NRXN1: variants seen among roughly 807,000 people sequenced by gnomAD.
NRXN1 encodes the protein neurexin 1.
NRXN1 carries 39 observed loss-of-function variants against 150.9 expected under a neutral mutation model. The ratio of observed to expected loss-of-function variants is 0.26; its 90% CI spans 0.20 to 0.34. The LOEUF (loss-of-function observed/expected upper bound fraction) is 0.34, where lower values mean the gene tolerates loss of function less well. Ranked by LOEUF, NRXN1 falls within the 10% of genes least tolerant of loss-of-function variation. The probability of loss-of-function intolerance (pLI) is 1.00; values close to 1 mark genes in which losing one functional copy is unlikely to be tolerated. For missense variants in NRXN1, 1,815 were observed against 1,949.9 expected, an observed-to-expected ratio of 0.93 and a Z score of 1.30; for synonymous variants, 924 against 757.0, an observed-to-expected ratio of 1.22 and a Z score of -3.62.
intron 17 of NRXN1, among the ~76,000 whole-genome samples, chr2:50,355,538 A>G (rs2153004877): frequency 6.6e-6 from 1 of 152,216 alleles, no homozygotes; most frequent in African/African-American, 2.4e-5. Flanking sequence ...ACTCTTCCAT[A>G]AAACACACTG....
intron 17 of NRXN1, among the ~76,000 whole-genome samples, chr2:50,399,503 T>C (rs763130722): frequency 7.9e-5 from 12 of 152,066 alleles, no homozygotes; most frequent in Non-Finnish European, 1.2e-4. Context: ...TTCAGTTCCA[T>C]GCTTCTTCCT....
chr2:50,091,636 A>C (rs1699591569), intron 18 of NRXN1, 142 bp from the exon 19 acceptor site: 1 of 799,028 alleles, frequency 1.3e-6, no homozygotes, highest in African/African-American at 1.7e-5. Flanking sequence ...AACTACATGT[A>C]GTAGAAGCAA....
intron 5 of NRXN1, among the ~76,000 whole-genome samples, chr2:50,699,737 C>A (rs9752353): frequency 0.12 from 17,643 of 151,856 alleles, 1,473 homozygotes; most frequent in East Asian, 0.3. Context: ...CAACACCTTG[C>A]CTTTGGCCCA....
In NRXN1 at chr2:50,404,976, G is replaced by A. The variant is rs2082656222; in HGVS notation, c.3364+60466C>T. Among the ~76,000 whole-genome samples, 3 of 152,084 alleles carry A rather than the reference G, an allele frequency of 2.0e-5. No homozygotes were observed. In the South Asian group the frequency reaches 6.2e-4, roughly 32 times the overall value. ...CACACTCTTCTCTTGCCAAAAGCTT[G>A]GTTTGCAGAACAAATCAAAAACACA... On this transcript the variant is annotated intron_variant, in intron 17 of 22. Transcript: ENST00000401669.
intron 5 of NRXN1, among the ~76,000 whole-genome samples, chr2:50,870,142 T>C (rs1042739602): frequency 6.6e-6 from 1 of 151,918 alleles, no homozygotes; most frequent in Admixed American, 6.6e-5. Context: ...ATATCAAATA[T>C]GTGAAATTTG....
chr2:50,622,147 A>G (rs1431730331), intron 6 of NRXN1, among the ~76,000 whole-genome samples: 1 of 152,116 alleles, frequency 6.6e-6, no homozygotes, highest in African/African-American at 2.4e-5. Flanking sequence ...GGCAGGTGGA[A>G]GCATGCAGGG....
chr2:50,218,121 G>C (rs1171236609), intron 18 of NRXN1, among the ~76,000 whole-genome samples: 2 of 151,960 alleles, frequency 1.3e-5, no homozygotes, highest in Non-Finnish European at 1.5e-5. Context: ...ATAAATTTCA[G>C]TGCTTCCATT....
At chr2:50,185,625 C>T (rs919618354) in intron 18 of NRXN1, 1 of 152,020 alleles carries the variant, frequency 6.6e-6, no homozygotes, top group Non-Finnish European at 1.5e-5. Flanking sequence ...TGCAGAAGAT[C>T]TGGATGCAGT....
At chr2:49,980,683 G>A (rs1352125644) in intron 21 of NRXN1, among the ~76,000 whole-genome samples, 1 of 152,126 alleles carries the variant, frequency 6.6e-6, no homozygotes, top group Non-Finnish European at 1.5e-5. Context: ...TGACCCTTTT[G>A]AACCTACAAA....
intron 2 of NRXN1, among the ~76,000 whole-genome samples, chr2:50,971,062 G>T (rs1161195240): frequency 6.6e-6 from 1 of 152,126 alleles, no homozygotes; most frequent in Non-Finnish European, 1.5e-5. Flanking sequence ...ACTTAAAAGG[G>T]TCTATCTACA....
intron 18 of NRXN1, among the ~76,000 whole-genome samples, chr2:50,136,121 G>A (rs1026315655): frequency 6.6e-6 from 1 of 152,124 alleles, no homozygotes; most frequent in African/African-American, 2.4e-5. Context: ...TGGTTGGAAG[G>A]TTAATCTCCT....
At chr2:50,431,651 G>C (rs1378276232) in intron 17 of NRXN1, among the ~76,000 whole-genome samples, 1 of 152,132 alleles carries the variant, frequency 6.6e-6, no homozygotes, top group East Asian at 1.9e-4. Context: ...TAATTGTCCA[G>C]GAAGTGTTAT....
intron 17 of NRXN1, among the ~76,000 whole-genome samples, chr2:50,457,023 T>C (rs1475778448): frequency 6.6e-6 from 1 of 152,170 alleles, no homozygotes; most frequent in Non-Finnish European, 1.5e-5. Flanking sequence ...AAGTATTTTG[T>C]CTGATTTCAC....
intron 18 of NRXN1, among the ~76,000 whole-genome samples, chr2:50,110,335 A>C (rs1360056848): frequency 6.7e-6 from 1 of 148,762 alleles, no homozygotes; most frequent in Non-Finnish European, 1.5e-5. Flanking sequence ...CTAAAAATAC[A>C]AAAAAAAATA....
chr2:50,361,943 G>A (rs1269820773), intron 17 of NRXN1, among the ~76,000 whole-genome samples: 1 of 152,066 alleles, frequency 6.6e-6, no homozygotes, highest in Non-Finnish European at 1.5e-5. Flanking sequence ...GGCTGATTCA[G>A]CATACACAAA....
chr2:50,767,881 T>C (rs551664800), intron 5 of NRXN1, among the ~76,000 whole-genome samples: 1 of 152,238 alleles, frequency 6.6e-6, no homozygotes, highest in East Asian at 1.9e-4. Flanking sequence ...GTAATTAATG[T>C]TTGTTTCATT....
chr2:50,828,270 G>A (rs1160932412), intron 5 of NRXN1, among the ~76,000 whole-genome samples: 2 of 145,466 alleles, frequency 1.4e-5, no homozygotes, highest in Non-Finnish European at 3.0e-5. Context: ...CCGGGCGGGG[G>A]GCTGACCCCC....
intron 21 of NRXN1, among the ~76,000 whole-genome samples, chr2:50,028,434 A>G (rs980280991): frequency 6.6e-6 from 1 of 152,228 alleles, no homozygotes; most frequent in African/African-American, 2.4e-5. Flanking sequence ...ACTGACCTTC[A>G]ACAGTCTTGT....
intron 19 of NRXN1, among the ~76,000 whole-genome samples, chr2:50,083,910 G>C (rs61348570): frequency 0.33 from 50,386 of 151,306 alleles, 9,625 homozygotes; most frequent in African/African-American, 0.51. Context: ...CTCCAAGTCC[G>C]CACCAGATCA....
Sources: allele counts gnomAD v4.1 joint callset (sites outside exome capture counted in the v4.1 genomes callset), GRCh38; gene constraint gnomAD v4.1.1; transcripts MANE v1.5; gene names NCBI Gene and HGNC (gene_info 2026-07-23, HGNC 2026-07-21).